Variants in CDK17 observed in about 807,000 individuals in gnomAD.
CDK17 encodes the protein cyclin-dependent kinase 17.
CDK17 carries 24 observed loss-of-function variants against 77.6 expected under a neutral mutation model. The ratio of observed to expected loss-of-function variants is 0.31; its 90% CI spans 0.22 to 0.44. The LOEUF is 0.44. Among genes scored for constraint, CDK17 ranks in the 20% least tolerant of loss-of-function variants. The pLI is 1.00. For synonymous variants in CDK17, 203 were observed against 210.4 expected (o/e 0.96, Z 0.30); for missense variants, 429 against 622.5 (o/e 0.69, Z 3.31).
intron 15 of CDK17, 45 bp from the exon 16 acceptor site, chr12:96,280,930 A>G (rs999094059): frequency 1.4e-6 from 2 of 1,440,920 alleles, no homozygotes; most frequent in East Asian, 4.6e-5. Flanking sequence ...TCTAACATTA[A>G]AACAAACACA....
intron 1 of CDK17, among the ~76,000 whole-genome samples, chr12:96,390,147 A>G (rs1954044164): frequency 7.6e-6 from 1 of 130,894 alleles, no homozygotes; most frequent in Admixed American, 8.6e-5. Context: ...TATAATTTAA[A>G]ACTCAATTTT....
chr12:96,290,968 A>G (rs898897932), intron 10 of CDK17, among the ~76,000 whole-genome samples: 5 of 152,178 alleles, frequency 3.3e-5, no homozygotes, highest in African/African-American at 1.2e-4. Context: ...ATCATTAGTG[A>G]AAATATCTGT....
intron 1 of CDK17, among the ~76,000 whole-genome samples, chr12:96,351,896 T>C (rs1375447929): frequency 6.6e-6 from 1 of 152,204 alleles, no homozygotes; most frequent in Admixed American, 6.5e-5. Context: ...CACAAAAGAC[T>C]GTTGTTGCTC....
In CDK17 at chr12:96,279,237, C is replaced by T. The variant is rs945755610; in HGVS notation, c.*1005G>A. 6.6e-6 allele frequency: 1 copy of T among 152,178 alleles called. No individual in the cohort carries two copies. Among genetic ancestry groups the T allele is most frequent in the Non-Finnish European group, 1.5e-5 (1 of 68,022 alleles). The allele number at this position is 152,178 out of a possible 1,614,324, so 9.4% of individuals were successfully genotyped here. A position where few individuals can be genotyped will look rare whatever the true frequency, so the allele number is the denominator to read the frequency against. On this transcript the variant is annotated 3_prime_UTR_variant, in exon 17 of 17. Transcript: ENST00000261211. The stretch of plus-strand genomic sequence containing the variant: ...AGCAATCCTGTAAGTTCTCATTTCT[C>T]TTGTTTGTAATTTATCATGGCTCAT...
intron 4 of CDK17, among the ~76,000 whole-genome samples, chr12:96,312,362 C>T (rs182480957): frequency 2.6e-5 from 4 of 151,874 alleles, no homozygotes; most frequent in East Asian, 3.9e-4. Context: ...TATAGCTCAA[C>T]GAAGAATGAG....
intron 1 of CDK17, among the ~76,000 whole-genome samples, chr12:96,381,551 C>CA (rs1167145898): frequency 6.6e-6 from 1 of 151,948 alleles, no homozygotes; most frequent in Non-Finnish European, 1.5e-5. Flanking sequence ...GGATCATCCG[C>CA]AATTTTCCTC....
intron 1 of CDK17, among the ~76,000 whole-genome samples, chr12:96,337,750 A>T (rs1953064691): frequency 6.6e-6 from 1 of 152,164 alleles, no homozygotes; most frequent in South Asian, 2.1e-4. Flanking sequence ...TGCCACTCTC[A>T]TCTACCCTTT....
chr12:96,294,794 A>C (rs1952380663), intron 10 of CDK17, among the ~76,000 whole-genome samples: 1 of 152,096 alleles, frequency 6.6e-6, no homozygotes, highest in Admixed American at 6.5e-5. Flanking sequence ...TCCACACCCA[A>C]GAACAGCCTG....
At chr12:96,383,683 T>C (rs1186498753) in intron 1 of CDK17, among the ~76,000 whole-genome samples, 4 of 152,138 alleles carry the variant, frequency 2.6e-5, no homozygotes, top group Non-Finnish European at 4.4e-5. Flanking sequence ...AGAAGGACTC[T>C]CTATTCAATA....
chr12:96,395,225 G>A (rs1259816210), intron 1 of CDK17, among the ~76,000 whole-genome samples: 3 of 152,276 alleles, frequency 2.0e-5, no homozygotes, highest in Admixed American at 1.3e-4. Flanking sequence ...TTCATTTTGA[G>A]CAACATGTCC....
intron 1 of CDK17, among the ~76,000 whole-genome samples, chr12:96,397,702 T>A (rs1335292405): frequency 6.6e-6 from 1 of 152,166 alleles, no homozygotes; most frequent in East Asian, 1.9e-4. Context: ...TAGATTTCCA[T>A]CTAGTAACAC....
At chr12:96,294,025 C>T (rs1952363983) in intron 10 of CDK17, among the ~76,000 whole-genome samples, 1 of 152,146 alleles carries the variant, frequency 6.6e-6, no homozygotes, top group African/African-American at 2.4e-5. Context: ...CACAGTTTGT[C>T]TGTCAGTCAT....
At chr12:96,294,969 G>A (rs1238358112) in intron 10 of CDK17, 30 bp downstream of exon 10, 11 of 1,566,448 alleles carry the variant, frequency 7.0e-6, no homozygotes, top group South Asian at 1.2e-5. Flanking sequence ...GAACCTGGAA[G>A]TACTAATAAA....
chr12:96,371,706 T>TA (rs1953696394), intron 1 of CDK17, among the ~76,000 whole-genome samples: 1 of 152,050 alleles, frequency 6.6e-6, no homozygotes, highest in Admixed American at 6.6e-5. Context: ...CACTCCAGCC[T>TA]AGGCAACAAG....
intron 15 of CDK17, 69 bp downstream of exon 15, chr12:96,282,440 A>T: frequency 1.0e-6 from 1 of 978,852 alleles, no homozygotes; most frequent in Non-Finnish European, 1.6e-6. Context: ...CCATCTCCCC[A>T]ATCACCCCAG....
At chr12:96,365,030 T>G (rs1323866602) in intron 1 of CDK17, among the ~76,000 whole-genome samples, 1 of 152,194 alleles carries the variant, frequency 6.6e-6, no homozygotes, top group Admixed American at 6.5e-5. Context: ...TCTAATAATT[T>G]CTGAATGTCT....
chr12:96,282,689 A>T, intron 14 of CDK17, 90 bp from the exon 15 acceptor site: 1 of 754,144 alleles, frequency 1.3e-6, no homozygotes, highest in East Asian at 2.6e-5. Context: ...AGAGCTACTT[A>T]AAAAAAATCT....
chr12:96,383,916 G>A lies in CDK17; in HGVS notation c.-30+16070C>T, dbSNP rs770457260. Among the ~76,000 whole-genome samples, 6 of 152,084 alleles carry A rather than the reference G, an allele frequency of 3.9e-5. No homozygotes were observed. In the East Asian group the frequency reaches 5.8e-4, roughly 15 times the overall value. On this transcript the variant is annotated intron_variant, in intron 1 of 16. Transcript: ENST00000261211. ...GAAAACAAAAATTGACAAGCAGGAC[G>A]TAATGAAACTAAAGAGCTTCTGCAT...
chr12:96,281,437 T>C (rs1952176917), intron 15 of CDK17, among the ~76,000 whole-genome samples: 1 of 152,240 alleles, frequency 6.6e-6, no homozygotes, highest in Non-Finnish European at 1.5e-5. Context: ...GGCATGATCT[T>C]GGCTCACTGC....
Sources: allele counts gnomAD v4.1 joint callset (sites outside exome capture counted in the v4.1 genomes callset), GRCh38; gene constraint gnomAD v4.1.1; transcripts MANE v1.5; gene names NCBI Gene and HGNC (gene_info 2026-07-23, HGNC 2026-07-21).